The following OSBPL3 variants were observed in gnomAD, a reference collection of about 807,000 sequenced individuals.
OSBPL3 encodes oxysterol-binding protein-related protein 3.
OSBPL3 carries 65 observed loss-of-function variants against 120.1 expected under a neutral mutation model. The ratio of observed to expected loss-of-function variants is 0.54; its 90% CI spans 0.44 to 0.67. OSBPL3 has a LOEUF of 0.67. Ranked by LOEUF, OSBPL3 falls within the 30% of genes least tolerant of loss-of-function variation. OSBPL3 has a pLI of 0.00. For synonymous variants in OSBPL3, 416 were observed against 402.6 expected, an observed-to-expected ratio of 1.03 and a Z score of -0.40; for missense variants, 1,004 against 1,082.1, an observed-to-expected ratio of 0.93 and a Z score of 1.01.
chr7:24,941,114 C>G (rs915897389), intron 1 of OSBPL3, among the ~76,000 whole-genome samples: 28 of 152,300 alleles, frequency 1.8e-4, no homozygotes, highest in African/African-American at 6.7e-4. Flanking sequence ...CCACCGCACC[C>G]GGCCAACATT....
At chr7:24,905,225 T>C (rs1316387034) in intron 1 of OSBPL3, among the ~76,000 whole-genome samples, 1 of 151,772 alleles carries the variant, frequency 6.6e-6, no homozygotes, top group African/African-American at 2.4e-5. Context: ...TTCCATCTTT[T>C]TTCTTCAAGG....
At chr7:24,924,990 A>G (rs1810865650) in intron 1 of OSBPL3, among the ~76,000 whole-genome samples, 1 of 152,222 alleles carries the variant, frequency 6.6e-6, no homozygotes, top group Non-Finnish European at 1.5e-5. Context: ...GAGAAGGCAT[A>G]GCAATTCATC....
intron 1 of OSBPL3, among the ~76,000 whole-genome samples, chr7:24,950,241 A>G (rs1203479469): frequency 6.6e-6 from 1 of 152,168 alleles, no homozygotes; most frequent in Non-Finnish European, 1.5e-5. Flanking sequence ...TGTGCATACA[A>G]AAATACACAC....
chr7:24,868,585 C>T (rs576157005), intron 5 of OSBPL3, among the ~76,000 whole-genome samples: 32 of 152,138 alleles, frequency 2.1e-4, no homozygotes, highest in African/African-American at 7.5e-4. Context: ...AAATAAATGC[C>T]AGCAATATCA....
In OSBPL3 at chr7:24,833,760, TCA is replaced by T. The variant is rs1396060617; in HGVS notation, c.1746+724_1746+725del. On this transcript the variant is annotated intron_variant, in intron 15 of 22. Coordinates refer to ENST00000313367, the MANE Select transcript of OSBPL3 (RefSeq NM_015550.4). This position sits in a 1 kb window ranked among gnomAD's most constrained non-coding sequence, Gnocchi z 4.4. Reference sequence around the variant, plus strand: ...CACCCACGTTCAAGAACAAAGTTAGTCACAGTCATAGAGAGGGCTGATCTGCC... The same window carrying T: ...CACCCACGTTCAAGAACAAAGTTAGTCAGTCATAGAGAGGGCTGATCTGCC... Among the ~76,000 whole-genome samples the T allele has an allele frequency of 2.0e-5, 3 of 152,138 alleles. No individual in the cohort carries two copies. Among genetic ancestry groups the T allele is most frequent in the African/African-American group, 7.2e-5 (3 of 41,422 alleles).
At position 24,872,382 on chromosome 7, in the gene OSBPL3, T is replaced by C. The variant is rs1421402485; in HGVS notation, c.97-313A>G. Among the ~76,000 whole-genome samples, 1 of 152,006 alleles carries C rather than the reference T, an allele frequency of 6.6e-6. No homozygotes were observed. Among genetic ancestry groups the C allele is most frequent in the African/African-American group, 2.4e-5 (1 of 41,372 alleles). ...CCTGTAAGTTCTATTTTTGTTCAGT[T>C]TGACATTACCATGCAATTACTGTTC... On this transcript the variant is annotated intron_variant, in intron 2 of 22. Transcript: ENST00000313367. This position sits in a 1 kb window ranked among gnomAD's most constrained non-coding sequence, Gnocchi z 4.1.
At position 24,881,751 on chromosome 7, in the gene OSBPL3, T is replaced by G. The variant is rs1395370458; in HGVS notation, c.97-9682A>C. Among the ~76,000 whole-genome samples the G allele has an allele frequency of 6.6e-6, 1 of 152,194 alleles. No homozygotes were observed. ...ACAGATATTTATTCTCTAGCCGTTCTGGAGGCCAGAGGTCCAAAATCAAAG... is the reference window on the plus strand; with the variant it reads ...ACAGATATTTATTCTCTAGCCGTTCGGGAGGCCAGAGGTCCAAAATCAAAG... On this transcript the variant is annotated intron_variant, in intron 2 of 22. Coordinates refer to ENST00000313367, the MANE Select transcript of OSBPL3 (RefSeq NM_015550.4). The surrounding 1 kb of genome is among the most constrained non-coding windows in gnomAD (Gnocchi z 4.3).
chr7:24,829,748 A>G (rs1012666228), intron 16 of OSBPL3, among the ~76,000 whole-genome samples: 2 of 152,124 alleles, frequency 1.3e-5, no homozygotes, highest in Admixed American at 1.3e-4. Flanking sequence ...ATTTTAATAA[A>G]ATTTCTTTCT....
Position 24,843,564 on chromosome 7 carries a change from G to A in OSBPL3, c.1267-1151C>T, listed in dbSNP as rs17150269. Among the ~76,000 whole-genome samples the A allele has an allele frequency of 2.5e-3, 385 of 152,210 alleles. 1 individual carries two copies. Among genetic ancestry groups the A allele is most frequent in the African/African-American group, 8.9e-3 (368 of 41,536 alleles). On this transcript the variant is annotated intron_variant, in intron 12 of 22. Transcript: ENST00000313367. ...GACAGGAGGGCCACAGCAGATTTTCGTAATTAATAAAAGGCAAGTGGTCCC... is the reference window on the plus strand; with the variant it reads ...GACAGGAGGGCCACAGCAGATTTTCATAATTAATAAAAGGCAAGTGGTCCC...
intron 7 of OSBPL3, 111 bp downstream of exon 7, chr7:24,865,231 A>C: frequency 8.9e-7 from 1 of 1,128,620 alleles, no homozygotes; most frequent in South Asian, 1.5e-5. Context: ...AAAATATGGA[A>C]GGGAATGTGG....
intron 5 of OSBPL3, among the ~76,000 whole-genome samples, chr7:24,869,756 G>T (rs1801845242): frequency 6.6e-6 from 1 of 152,128 alleles, no homozygotes. Context: ...TGACTGTCTT[G>T]CCCATTCAAC....
intron 10 of OSBPL3, among the ~76,000 whole-genome samples, chr7:24,853,189 C>G (rs1799386766): frequency 6.6e-6 from 1 of 152,084 alleles, no homozygotes; most frequent in African/African-American, 2.4e-5. Context: ...AAAAACAAAG[C>G]TTATTGGTTT....
At chr7:24,962,878 A>G (rs1815948090) in intron 1 of OSBPL3, among the ~76,000 whole-genome samples, 1 of 152,176 alleles carries the variant, frequency 6.6e-6, no homozygotes, top group Admixed American at 6.5e-5. Flanking sequence ...ATACAGCACC[A>G]TTGTTGAATT....
At chr7:24,875,556 T>A (rs1802727092) in intron 2 of OSBPL3, among the ~76,000 whole-genome samples, 1 of 152,156 alleles carries the variant, frequency 6.6e-6, no homozygotes, top group African/African-American at 2.4e-5. Flanking sequence ...ACATTAATAA[T>A]GAATATCATT....
At position 24,865,943 on chromosome 7, in the gene OSBPL3, T is replaced by C. The variant is rs1166977197; in HGVS notation, c.549+127A>G. The C allele has an allele frequency of 7.1e-6, 5 of 700,730 alleles. No individual in the cohort carries two copies. In the Admixed American group the frequency reaches 1.3e-4, roughly 18 times the overall value. The allele number at this position is 700,730 out of a possible 1,614,324, so 43.4% of individuals were successfully genotyped here. On this transcript the variant is annotated intron_variant, in intron 6 of 22. Transcript: ENST00000313367. Reference sequence around the variant, plus strand: ...TCAGTGGGCAAACAGACTAATTAAATACCAGCCCAAGCCTACCCTGCTTGT... The same window carrying C: ...TCAGTGGGCAAACAGACTAATTAAACACCAGCCCAAGCCTACCCTGCTTGT...
rs1168761096 is a variant in OSBPL3, at chr7:24,827,201, A to G, written c.1884+3567T>C. Among the ~76,000 whole-genome samples the G allele has an allele frequency of 6.6e-6, 1 of 152,214 alleles. No homozygotes were observed. The highest frequency in any genetic ancestry group is 1.9e-4 in the East Asian group (1 of 5,200). On this transcript the variant is annotated intron_variant, in intron 16 of 22. Coordinates refer to ENST00000313367, the MANE Select transcript of OSBPL3 (RefSeq NM_015550.4). This position sits in a 1 kb window ranked among gnomAD's most constrained non-coding sequence, Gnocchi z 5.1. Reference sequence around the variant, plus strand: ...AGAAAACAAACCTCTAAGCCATGAGAGCTTATCAATGACACATAATGGACA... The same window carrying G: ...AGAAAACAAACCTCTAAGCCATGAGGGCTTATCAATGACACATAATGGACA...
intron 1 of OSBPL3, among the ~76,000 whole-genome samples, chr7:24,907,238 C>T (rs533076648): frequency 2.8e-4 from 43 of 152,306 alleles, no homozygotes; most frequent in Non-Finnish European, 5.0e-4. Context: ...TTCAATTTAT[C>T]GCCAGGCTCT....
Position 24,871,808 on chromosome 7 carries a change from A to C in OSBPL3, c.214-13T>G, listed in dbSNP as rs766828063. On this transcript the variant is annotated splice_polypyrimidine_tract_variant and intron_variant, in intron 3 of 22. Coordinates refer to ENST00000313367, the MANE Select transcript of OSBPL3 (RefSeq NM_015550.4). The surrounding 1 kb of genome is among the most constrained non-coding windows in gnomAD (Gnocchi z 4.8). ...GATAGAAGAATCTCTGTGGGGAAGAAAGTATTATTAATTAAGGCATTCAAT... is the reference window on the plus strand; with the variant it reads ...GATAGAAGAATCTCTGTGGGGAAGACAGTATTATTAATTAAGGCATTCAAT... 1.2e-5 allele frequency: 19 copies of C among 1,603,362 alleles called. No individual in the cohort carries two copies. The highest frequency in any genetic ancestry group is 1.6e-5 in the Non-Finnish European group (19 of 1,170,826).
chr7:24,892,566 C>A lies in OSBPL3; in HGVS notation c.-94G>T. 1 of 1,498,876 alleles carries A rather than the reference C, an allele frequency of 6.7e-7. No individual in the cohort carries two copies. Among genetic ancestry groups the A allele is most frequent in the Non-Finnish European group, 9.0e-7 (1 of 1,111,312 alleles). 92.8% of individuals were successfully genotyped at this position (1,498,876 alleles called of 1,614,324 possible). A position where few individuals can be genotyped will look rare whatever the true frequency, so the allele number is the denominator to read the frequency against. ...AAGTCCCCAGTGGCAGGTGGTTTAG[C>A]TCTTATCCAAAGTATTTAAAAAACA... On this transcript the variant is annotated 5_prime_UTR_variant, in exon 2 of 23. Transcript: ENST00000313367.
Sources: gnomAD v4.1 joint callset for allele counts (sites outside exome capture counted in the v4.1 genomes callset) on GRCh38, gnomAD v4.1.1 for gene constraint, Gnocchi (gnomAD v3.1) non-coding constraint, MANE v1.5 for transcripts, NCBI Gene and HGNC (gene_info 2026-07-23, HGNC 2026-07-21) for gene names.